The following RAPGEF6 variants were observed in gnomAD, a reference collection of about 807,000 sequenced individuals.
RAPGEF6 encodes the protein Rap guanine nucleotide exchange factor 6.
Under a neutral mutation model 171.4 loss-of-function variants are expected in RAPGEF6, and 56 were observed. The observed-to-expected ratio is 0.33, with a 90% CI of 0.26 to 0.41. The LOEUF (loss-of-function observed/expected upper bound fraction) is 0.41, where lower values mean the gene tolerates loss of function less well. Among genes scored for constraint, RAPGEF6 ranks in the 10% least tolerant of loss-of-function variants. The probability of loss-of-function intolerance (pLI) is 1.00; values close to 1 mark genes in which losing one functional copy is unlikely to be tolerated. For synonymous variants in RAPGEF6, 692 were observed against 650.1 expected, an observed-to-expected ratio of 1.06 and a Z score of -0.98; for missense variants, 1,674 against 1,921.4, an observed-to-expected ratio of 0.87 and a Z score of 2.41.
intron 6 of RAPGEF6, among the ~76,000 whole-genome samples, chr5:131,528,338 T>TACACACACACACACAC (rs372339216): frequency 1.9e-4 from 5 of 26,308 alleles, no homozygotes; most frequent in African/African-American, 3.0e-4. Context: ...TATATATATA[T>TACACACACACACACAC]ACACACACAC....
chr5:131,586,601 A>G (rs1273139116), intron 4 of RAPGEF6, among the ~76,000 whole-genome samples: 1 of 152,216 alleles, frequency 6.6e-6, no homozygotes, highest in Non-Finnish European at 1.5e-5. Flanking sequence ...ACTGCACTCC[A>G]GCCTGGGTGA....
In RAPGEF6 at chr5:131,464,093, T is replaced by G; in HGVS notation, c.2428A>C (p.Arg810=). Residue 810 remains arginine (R), a synonymous_variant, in exon 18 of 28, where the codon AGA becomes CGA. Coordinates refer to ENST00000509018, the MANE Select transcript of RAPGEF6 (RefSeq NM_016340.6). ...VTPEGVIKQR[R]LPDQFSKLAD... is the part of the protein sequence containing the mutation. The stretch of plus-strand genomic sequence containing the variant: ...AATTTGGAGAACTGATCTGGAAGTC[T>G]TCTCTGTTTTATGACACCCTCAGGA... The G allele has an allele frequency of 1.2e-6, 2 of 1,613,180 alleles. No individual in the cohort carries two copies. The highest frequency in any genetic ancestry group is 2.2e-5 in the South Asian group (2 of 91,026).
intron 1 of RAPGEF6, among the ~76,000 whole-genome samples, chr5:131,625,758 G>T (rs1765882751): frequency 6.6e-6 from 1 of 150,480 alleles, no homozygotes; most frequent in Non-Finnish European, 1.5e-5. Context: ...GGAGCTTGCA[G>T]TCAGCCGAGA....
At chr5:131,430,641 C>A in intron 26 of RAPGEF6, 1 of 701,152 alleles carries the variant, frequency 1.4e-6, no homozygotes, top group Non-Finnish European at 2.6e-6. Flanking sequence ...AATTAAATAC[C>A]TTCACATCAG....
intron 17 of RAPGEF6, among the ~76,000 whole-genome samples, chr5:131,468,526 A>G (rs1234184578): frequency 2.1e-5 from 2 of 97,126 alleles, no homozygotes; most frequent in Admixed American, 1.1e-4. Context: ...GGATGTATGT[A>G]CTGACCCTGA....
At chr5:131,583,044 TGTCCATAACAACATTCTTTGCAAAATA>T (rs1160904122) in intron 4 of RAPGEF6, among the ~76,000 whole-genome samples, 7 of 152,214 alleles carry the variant, frequency 4.6e-5, no homozygotes, top group Non-Finnish European at 1.0e-4. Flanking sequence ...TGTACACAAA[TGTCCATAACAACATTCTTTGCAAAATA>T]GTCAATAACA....
At chr5:131,583,698 T>C (rs561601025) in intron 4 of RAPGEF6, among the ~76,000 whole-genome samples, 1 of 152,318 alleles carries the variant, frequency 6.6e-6, no homozygotes, top group African/African-American at 2.4e-5. Flanking sequence ...AAAACCAAAC[T>C]GTAGCCCAAC....
chr5:131,589,324 T>A (rs1033798407), intron 4 of RAPGEF6, among the ~76,000 whole-genome samples: 3 of 152,202 alleles, frequency 2.0e-5, no homozygotes, highest in African/African-American at 4.8e-5. Flanking sequence ...ATATATAGTA[T>A]AAGATATTGA....
chr5:131,505,309 G>A (rs1416785939), intron 10 of RAPGEF6, 55 bp downstream of exon 10: 1 of 1,558,358 alleles, frequency 6.4e-7, no homozygotes, highest in Admixed American at 1.8e-5. Flanking sequence ...GACAAAACAG[G>A]CTCAGCTACT....
chr5:131,568,935 A>G (rs750173169), intron 4 of RAPGEF6, among the ~76,000 whole-genome samples: 42 of 152,354 alleles, frequency 2.8e-4, no homozygotes, highest in Admixed American at 1.4e-3. Context: ...ATTTCTATAT[A>G]CTAGCAATGA....
intron 1 of RAPGEF6, among the ~76,000 whole-genome samples, chr5:131,624,435 T>C (rs1476177405): frequency 6.6e-6 from 1 of 152,144 alleles, no homozygotes; most frequent in African/African-American, 2.4e-5. Context: ...AGGTTAAAAG[T>C]CCAATACAAA....
chr5:131,454,029 G>C (rs1231893913), intron 20 of RAPGEF6, among the ~76,000 whole-genome samples: 1 of 152,200 alleles, frequency 6.6e-6, no homozygotes, highest in Non-Finnish European at 1.5e-5. Context: ...AGAGAAGCAA[G>C]TTTTGCATTT....
At chr5:131,607,377 A>C (rs1294651787) in intron 1 of RAPGEF6, among the ~76,000 whole-genome samples, 1 of 152,242 alleles carries the variant, frequency 6.6e-6, no homozygotes, top group Non-Finnish European at 1.5e-5. Flanking sequence ...TTCTAGCCCT[A>C]ATCACAGCCT....
chr5:131,532,607 G>C (rs1046683545), intron 6 of RAPGEF6, among the ~76,000 whole-genome samples: 4 of 151,838 alleles, frequency 2.6e-5, no homozygotes, highest in Non-Finnish European at 4.4e-5. Flanking sequence ...TGATTCTTCT[G>C]CATCAAAAGC....
intron 17 of RAPGEF6, 190 bp from the exon 18 acceptor site, chr5:131,464,471 T>C: frequency 1.9e-6 from 1 of 527,426 alleles, no homozygotes; most frequent in East Asian, 3.5e-5. Context: ...TAACAAATCA[T>C]TGATAGAAAA....
At chr5:131,571,302 A>G (rs1762265906) in intron 4 of RAPGEF6, among the ~76,000 whole-genome samples, 1 of 152,194 alleles carries the variant, frequency 6.6e-6, no homozygotes, top group Non-Finnish European at 1.5e-5. Flanking sequence ...TGTCACAACA[A>G]TGTACTATAG....
intron 6 of RAPGEF6, among the ~76,000 whole-genome samples, chr5:131,535,903 A>G (rs957459835): frequency 6.6e-6 from 1 of 152,172 alleles, no homozygotes; most frequent in African/African-American, 2.4e-5. Flanking sequence ...GATGAAGGTA[A>G]GCCATAAGAG....
At chr5:131,517,080 G>A (rs1213384787) in intron 7 of RAPGEF6, among the ~76,000 whole-genome samples, 1 of 152,092 alleles carries the variant, frequency 6.6e-6, no homozygotes, top group East Asian at 1.9e-4. Flanking sequence ...GGTACACATG[G>A]ACCTAAAGAT....
intron 14 of RAPGEF6, among the ~76,000 whole-genome samples, chr5:131,491,212 A>T (rs1756259783): frequency 6.6e-6 from 1 of 152,156 alleles, no homozygotes; most frequent in South Asian, 2.1e-4. Flanking sequence ...TGTCCTGGGA[A>T]TTGTAGGCTG....
Sources: gnomAD v4.1 joint callset for allele counts (sites outside exome capture counted in the v4.1 genomes callset) on GRCh38, gnomAD v4.1.1 for gene constraint, MANE v1.5 for transcripts, NCBI Gene and HGNC (gene_info 2026-07-23, HGNC 2026-07-21) for gene names.